Variants in NME7 observed in about 807,000 individuals in gnomAD.
NME7 encodes nucleoside diphosphate kinase 7.
In NME7, 41 loss-of-function variants were observed where a neutral mutation model predicts 49.1. The ratio of observed to expected loss-of-function variants is 0.83; its 90% confidence interval spans 0.65 to 1.08. The LOEUF is 1.08. NME7 is among the 50% of genes least tolerant of loss of function. NME7 has a pLI of 0.00. For synonymous variants in NME7, 139 were observed against 150.6 expected, an observed-to-expected ratio of 0.92 and a Z score of 0.56; for missense variants, 423 against 463.4, an observed-to-expected ratio of 0.91 and a Z score of 0.80.
At chr1:169,242,877 T>C (rs1648150949) in intron 7 of NME7, among the ~76,000 whole-genome samples, 1 of 151,930 alleles carries the variant, frequency 6.6e-6, no homozygotes, top group African/African-American at 2.4e-5. Flanking sequence ...AGAACTTGTG[T>C]ATGAAAACTA....
intron 7 of NME7, among the ~76,000 whole-genome samples, chr1:169,281,772 ACCAGCCTTGCATT>A (rs957617380): frequency 6.6e-6 from 1 of 152,132 alleles, no homozygotes; most frequent in Non-Finnish European, 1.5e-5. Context: ...TGTATGTTGA[ACCAGCCTTGCATT>A]CCAGCAATGA....
At chr1:169,333,124 T>TA (rs35683059) in intron 1 of NME7, among the ~76,000 whole-genome samples, 2 of 151,910 alleles carry the variant, frequency 1.3e-5, no homozygotes, top group Non-Finnish European at 2.9e-5. Context: ...CATTAAGCCA[T>TA]AAAAAAGAAT....
At chr1:169,168,922 T>C (rs1386173516) in intron 11 of NME7, 10 of 455,918 alleles carry the variant, frequency 2.2e-5, no homozygotes, top group African/African-American at 4.0e-5. Flanking sequence ...CAAATGAATA[T>C]ATAAGTGGAC....
intron 10 of NME7, among the ~76,000 whole-genome samples, chr1:169,195,865 G>C (rs908324259): frequency 6.6e-6 from 1 of 151,536 alleles, no homozygotes; most frequent in Non-Finnish European, 1.5e-5. Context: ...CAAAAAATAA[G>C]TGTGTTCAAT....
At chr1:169,332,436 C>T (rs1049566954) in intron 1 of NME7, among the ~76,000 whole-genome samples, 2 of 152,048 alleles carry the variant, frequency 1.3e-5, no homozygotes, top group Non-Finnish European at 2.9e-5. Context: ...CAATGCCCCA[C>T]AAACATAGGC....
At chr1:169,238,591 G>A (rs937708231) in intron 7 of NME7, among the ~76,000 whole-genome samples, 5 of 151,400 alleles carry the variant, frequency 3.3e-5, no homozygotes, top group African/African-American at 4.9e-5. Context: ...ATGTGCATTC[G>A]TATTTACTAT....
At chr1:169,330,002 A>G (rs1652196130) in intron 1 of NME7, among the ~76,000 whole-genome samples, 1 of 152,194 alleles carries the variant, frequency 6.6e-6, no homozygotes, top group Non-Finnish European at 1.5e-5. Context: ...AGACTTTTCA[A>G]TGGGAACTTT....
intron 4 of NME7, among the ~76,000 whole-genome samples, chr1:169,304,067 C>T (rs1183031165): frequency 2.0e-5 from 3 of 151,396 alleles, no homozygotes; most frequent in Non-Finnish European, 2.9e-5. Flanking sequence ...AATGCTTTAA[C>T]TGACATCACT....
At chr1:169,177,641 A>C (rs1659791767) in intron 10 of NME7, among the ~76,000 whole-genome samples, 2 of 151,980 alleles carry the variant, frequency 1.3e-5, no homozygotes, top group Admixed American at 6.6e-5. Context: ...ACTTCTCAAC[A>C]TAACCTATAG....
chr1:169,134,961 GC>G (rs1474627502), intron 11 of NME7, among the ~76,000 whole-genome samples: 1 of 133,266 alleles, frequency 7.5e-6, no homozygotes, highest in Admixed American at 8.8e-5. Flanking sequence ...GATCACTTGA[GC>G]CCAGGAGTTC....
chr1:169,223,298 T>A (rs1009325101), intron 10 of NME7, among the ~76,000 whole-genome samples: 1 of 152,174 alleles, frequency 6.6e-6, no homozygotes, highest in Non-Finnish European at 1.5e-5. Context: ...TACATTTTTT[T>A]AATATTTCTT....
rs767472138 is a variant in NME7 at position 169,309,956 on chromosome 1, G to A, written c.389+14C>T. 1.5e-5 allele frequency: 20 copies of A among 1,343,950 alleles called. No homozygotes were observed. The highest frequency in any genetic ancestry group is 1.9e-5 in the Non-Finnish European group (18 of 957,362). 83.3% of individuals were successfully genotyped at this position (1,343,950 alleles called of 1,614,324 possible). On this transcript the variant is annotated intron_variant, in intron 4 of 11. Coordinates refer to ENST00000367811, the MANE Select transcript of NME7 (RefSeq NM_013330.5). ...AATCAGACATTACATAACTGAAAAT[G>A]ATAAAAAAATTACCTTGAAAGCATC... is the stretch of plus-strand genomic sequence containing the variant.
At chr1:169,249,767 A>G (rs1028841974) in intron 7 of NME7, among the ~76,000 whole-genome samples, 14 of 151,894 alleles carry the variant, frequency 9.2e-5, no homozygotes, top group Non-Finnish European at 1.9e-4. Flanking sequence ...TCCTTTTATC[A>G]GATGTATCCC....
chr1:169,333,735 C>T (rs1219650228), intron 1 of NME7, among the ~76,000 whole-genome samples: 1 of 152,120 alleles, frequency 6.6e-6, no homozygotes, highest in African/African-American at 2.4e-5. Context: ...CTCTTAGACA[C>T]TCTCCTTAAC....
In NME7 at chr1:169,152,927, C is replaced by A. The variant is rs199558607; in HGVS notation, c.1098+16520G>T. ...TCATACATACCAAGAAACTCCCATC[C>A]AGCATTTACAGCAAACATCAGTAAT... On this transcript the variant is annotated intron_variant, in intron 11 of 11. Transcript: ENST00000367811. Among the ~76,000 whole-genome samples, 6 of 152,200 alleles carry A rather than the reference C, an allele frequency of 3.9e-5. No individual in the cohort carries two copies. In the East Asian group the frequency reaches 1.2e-3, roughly 29 times the overall value.
intron 7 of NME7, among the ~76,000 whole-genome samples, chr1:169,240,745 T>G (rs946787212): frequency 2.6e-5 from 4 of 152,048 alleles, no homozygotes; most frequent in African/African-American, 4.8e-5. Context: ...AATTAAAAAT[T>G]TGTTAATATC....
intron 10 of NME7, among the ~76,000 whole-genome samples, chr1:169,199,450 TTTATTA>T (rs150975177): frequency 0.013 from 1,448 of 111,516 alleles, 14 homozygotes; most frequent in African/African-American, 0.025. Flanking sequence ...CAGGGTCTTT[TTTATTA>T]TTATTATTAT....
chr1:169,143,016 AAATT>A (rs1658643614), intron 11 of NME7, among the ~76,000 whole-genome samples: 1 of 152,212 alleles, frequency 6.6e-6, no homozygotes, highest in Non-Finnish European at 1.5e-5. Flanking sequence ...AACAACCCAT[AAATT>A]AAAGTACATG....
chr1:169,295,820 C>G (rs1650685552), intron 6 of NME7, among the ~76,000 whole-genome samples: 1 of 152,090 alleles, frequency 6.6e-6, no homozygotes, highest in Admixed American at 6.5e-5. Flanking sequence ...TTCTTCTCTC[C>G]CTTCAGACCA....
Sources: gnomAD v4.1 joint callset for allele counts (sites outside exome capture counted in the v4.1 genomes callset) on GRCh38, gnomAD v4.1.1 for gene constraint, MANE v1.5 for transcripts, NCBI Gene and HGNC (gene_info 2026-07-23, HGNC 2026-07-21) for gene names.